The following HIBADH variants were observed in gnomAD, a reference collection of about 807,000 sequenced individuals.
HIBADH encodes the protein 3-hydroxyisobutyrate dehydrogenase, mitochondrial.
A neutral mutation model predicts 36.1 loss-of-function variants in HIBADH; 25 were observed. The observed-to-expected ratio is 0.69, with a 90% CI of 0.50 to 0.97. HIBADH has a LOEUF of 0.97. Ranked by LOEUF, HIBADH falls within the 50% of genes least tolerant of loss-of-function variation. HIBADH has a pLI of 0.00. For synonymous variants in HIBADH, 160 were observed against 149.5 expected (o/e 1.07, Z -0.51); for missense variants, 421 against 418.0 (o/e 1.01, Z -0.06).
chr7:27,619,863 C>G (rs1299672742), intron 4 of HIBADH, among the ~76,000 whole-genome samples: 2 of 152,124 alleles, frequency 1.3e-5, no homozygotes, highest in Non-Finnish European at 2.9e-5. Flanking sequence ...TCCAAACCCA[C>G]AGAGAAAGTG....
chr7:27,619,489 A>G (rs1785499380), intron 4 of HIBADH, among the ~76,000 whole-genome samples: 1 of 152,238 alleles, frequency 6.6e-6, no homozygotes, highest in South Asian at 2.1e-4. Flanking sequence ...AAAATTCCAG[A>G]TAATACATTT....
At chr7:27,555,510 T>C (rs1457115414) in intron 4 of HIBADH, among the ~76,000 whole-genome samples, 1 of 151,978 alleles carries the variant, frequency 6.6e-6, no homozygotes, top group East Asian at 1.9e-4. Flanking sequence ...CAGCTAATTC[T>C]TACTACTGGC....
chr7:27,620,585 C>A (rs937458300), intron 4 of HIBADH, among the ~76,000 whole-genome samples: 2 of 151,948 alleles, frequency 1.3e-5, no homozygotes, highest in Non-Finnish European at 2.9e-5. Context: ...GAAATAAAGT[C>A]TTCTCTAGAG....
intron 1 of HIBADH, 107 bp downstream of exon 1, chr7:27,662,591 C>T (rs1412955167): frequency 1.2e-5 from 8 of 650,726 alleles, no homozygotes; most frequent in African/African-American, 1.1e-4. Context: ...TTTTTTAAGC[C>T]CCAGCCCAAC....
intron 4 of HIBADH, among the ~76,000 whole-genome samples, chr7:27,562,726 G>T (rs1784485907): frequency 6.6e-6 from 1 of 152,154 alleles, no homozygotes; most frequent in African/African-American, 2.4e-5. Flanking sequence ...CCAAAGTGCT[G>T]AGATTATGGG....
intron 4 of HIBADH, among the ~76,000 whole-genome samples, chr7:27,570,623 T>C (rs1216342359): frequency 6.6e-6 from 1 of 151,748 alleles, no homozygotes; most frequent in East Asian, 1.9e-4. Context: ...TACACGACTA[T>C]ATATAGTTGT....
At chr7:27,562,059 T>C (rs1009741732) in intron 4 of HIBADH, among the ~76,000 whole-genome samples, 6 of 152,136 alleles carry the variant, frequency 3.9e-5, no homozygotes, top group Non-Finnish European at 8.8e-5. Flanking sequence ...TCCAACATGA[T>C]AAAAATCTGT....
At chr7:27,598,930 C>T (rs932291240) in intron 4 of HIBADH, among the ~76,000 whole-genome samples, 2 of 151,296 alleles carry the variant, frequency 1.3e-5, no homozygotes, top group African/African-American at 4.9e-5. Context: ...CTTTCCCATA[C>T]AAGCTTTATG....
chr7:27,613,297 T>C lies in HIBADH; in HGVS notation c.484+16074A>G, dbSNP rs1044052633. On this transcript the variant is annotated intron_variant, in intron 4 of 7. Transcript: ENST00000265395. ...GAAGTGTAAGCTAAGTGCCTCTACA[T>C]TTTGTTTTATATATATATATATAAA... Among the ~76,000 whole-genome samples, 6 of 65,644 alleles carry C rather than the reference T, an allele frequency of 9.1e-5. No individual in the cohort carries two copies. The East Asian group carries it at 3.4e-3, about 37-fold the overall frequency. The allele number at this position is 65,644 out of a possible 152,430, so 43.1% of individuals were successfully genotyped here.
chr7:27,538,233 T>C, intron 6 of HIBADH, 108 bp downstream of exon 6: 1 of 835,462 alleles, frequency 1.2e-6, no homozygotes, highest in South Asian at 1.6e-5. Flanking sequence ...TTCAAAATGT[T>C]CTTGGATCAA....
intron 2 of HIBADH, among the ~76,000 whole-genome samples, chr7:27,648,680 T>C (rs776489143): frequency 6.6e-6 from 1 of 152,228 alleles, no homozygotes; most frequent in African/African-American, 2.4e-5. Flanking sequence ...TACTGATACA[T>C]GGTCTCCTGT....
chr7:27,660,146 TATA>T (rs1401352941), intron 1 of HIBADH, among the ~76,000 whole-genome samples: 2 of 152,224 alleles, frequency 1.3e-5, no homozygotes, highest in Non-Finnish European at 2.9e-5. Flanking sequence ...TATAGCTCCT[TATA>T]ATATTATCAT....
intron 4 of HIBADH, among the ~76,000 whole-genome samples, chr7:27,612,920 C>A (rs972066274): frequency 4.2e-5 from 6 of 142,788 alleles, no homozygotes; most frequent in Non-Finnish European, 9.0e-5. Flanking sequence ...GCACTCCAGC[C>A]TGGATGACAG....
chr7:27,598,976 T>C (rs1785077424), intron 4 of HIBADH, among the ~76,000 whole-genome samples: 1 of 151,042 alleles, frequency 6.6e-6, no homozygotes, highest in South Asian at 2.1e-4. Flanking sequence ...AGAAAAAGTA[T>C]GACCACCAAG....
intron 4 of HIBADH, among the ~76,000 whole-genome samples, chr7:27,591,123 A>G (rs551870966): frequency 2.0e-5 from 3 of 152,334 alleles, no homozygotes; most frequent in Admixed American, 6.5e-5. Context: ...GGCACCATAT[A>G]AATTCAATTA....
At chr7:27,646,278 T>C (rs968931469) in intron 2 of HIBADH, among the ~76,000 whole-genome samples, 8 of 152,348 alleles carry the variant, frequency 5.3e-5, no homozygotes, top group Middle Eastern at 3.4e-3. Context: ...AACAGGTAGC[T>C]ACATTTCAGA....
rs375072886 is a variant in HIBADH at position 27,531,350 on chromosome 7, TGTCAAAG to T, written c.696-9_696-3del. 1.3e-4 allele frequency: 212 copies of T among 1,600,880 alleles called. 1 individual carries two copies. The African/African-American group carries it at 2.7e-3, about 20-fold the overall frequency. On this transcript the variant is annotated splice_region_variant and splice_polypyrimidine_tract_variant and intron_variant, in intron 6 of 7. Coordinates refer to ENST00000265395, the MANE Select transcript of HIBADH (RefSeq NM_152740.4). The stretch of plus-strand genomic sequence containing the variant: ...AGTAGTTTTGGGTCAAGCCCTAACC[TGTCAAAG>T]GTCAAAGAAAAGAAGTGTTAAGTGT...
At chr7:27,625,415 A>G (rs142028419) in intron 4 of HIBADH, among the ~76,000 whole-genome samples, 51 of 152,288 alleles carry the variant, frequency 3.3e-4, no homozygotes, top group African/African-American at 1.2e-3. Flanking sequence ...GAACATTTCT[A>G]TAATGTTCCA....
Position 27,638,558 on chromosome 7 carries a change from A to G in HIBADH, c.253-6113T>C, listed in dbSNP as rs368703510. 7.2e-5 allele frequency among the ~76,000 whole-genome samples: 11 copies of G among 152,274 alleles called. No homozygotes were observed. The East Asian group carries it at 1.7e-3, about 24-fold the overall frequency. ...GAAAAGATTTCAAGACAAAGATATC[A>G]AAAGCAACTGCAACAAAAACAAAAA... On this transcript the variant is annotated intron_variant, in intron 2 of 7. Coordinates refer to ENST00000265395, the MANE Select transcript of HIBADH (RefSeq NM_152740.4).
Sources: allele counts gnomAD v4.1 joint callset (sites outside exome capture counted in the v4.1 genomes callset), GRCh38; gene constraint gnomAD v4.1.1; transcripts MANE v1.5; gene names NCBI Gene and HGNC (gene_info 2026-07-23, HGNC 2026-07-21).